WWOX: variants seen among roughly 807,000 people sequenced by gnomAD.
The protein encoded by WWOX is WW domain containing oxidoreductase.
In WWOX, 69 loss-of-function variants were observed where a neutral mutation model predicts 46.2. The ratio of observed to expected loss-of-function variants is 1.49; its 90% confidence interval spans 1.23 to 1.82. WWOX has a LOEUF of 1.82. WWOX is among the 40% of genes most tolerant of loss of function. The pLI is 0.00. For synonymous variants in WWOX, 359 were observed against 202.6 expected (o/e 1.77, Z -6.56); for missense variants, 919 against 542.6 (o/e 1.69, Z -6.89).
intron 8 of WWOX, among the ~76,000 whole-genome samples, chr16:79,031,991 T>C (rs767823771): frequency 5.1e-4 from 73 of 144,376 alleles, no homozygotes; most frequent in Non-Finnish European, 9.4e-4. Flanking sequence ...GGATGCTTTT[T>C]ATTTTGGGCT....
At chr16:79,104,268 A>T (rs2049263714) in intron 8 of WWOX, among the ~76,000 whole-genome samples, 1 of 152,188 alleles carries the variant, frequency 6.6e-6, no homozygotes, top group Non-Finnish European at 1.5e-5. Flanking sequence ...GTCTGTAAGG[A>T]CATTAATAAT....
intron 5 of WWOX, among the ~76,000 whole-genome samples, chr16:78,333,951 C>T (rs577121372): frequency 2.8e-4 from 43 of 151,590 alleles, no homozygotes; most frequent in African/African-American, 1.0e-3. Flanking sequence ...CTTGCGTGAT[C>T]CACTGATGGT....
chr16:78,430,597 C>G (rs929405958), intron 7 of WWOX, among the ~76,000 whole-genome samples: 2 of 152,090 alleles, frequency 1.3e-5, no homozygotes, highest in African/African-American at 4.8e-5. Flanking sequence ...AGAAGGCCGT[C>G]ATATATTTTC....
chr16:78,987,995 A>G (rs926600971), intron 8 of WWOX, among the ~76,000 whole-genome samples: 1 of 152,000 alleles, frequency 6.6e-6, no homozygotes, highest in East Asian at 1.9e-4. Context: ...TTTTAATAAC[A>G]AAGGGGCTAT....
chr16:78,928,464 A>C (rs2045551016), intron 8 of WWOX, among the ~76,000 whole-genome samples: 1 of 151,934 alleles, frequency 6.6e-6, no homozygotes. Context: ...GGCCTCCCAA[A>C]GTGCTGGGAT....
intron 8 of WWOX, among the ~76,000 whole-genome samples, chr16:78,834,441 G>C (rs1334248153): frequency 1.3e-5 from 2 of 152,110 alleles, no homozygotes; most frequent in Admixed American, 6.5e-5. Context: ...CAGCTCCTAA[G>C]TAAACCAAAA....
intron 8 of WWOX, among the ~76,000 whole-genome samples, chr16:79,015,480 T>TG (rs1597279906): frequency 6.6e-6 from 1 of 152,198 alleles, no homozygotes; most frequent in Non-Finnish European, 1.5e-5. Context: ...TAGTAGGTGC[T>TG]CAATAAACTA....
intron 8 of WWOX, among the ~76,000 whole-genome samples, chr16:79,195,958 A>G (rs1458080584): frequency 2.0e-5 from 3 of 152,212 alleles, no homozygotes; most frequent in Non-Finnish European, 2.9e-5. Flanking sequence ...CAGGTGGTAA[A>G]GATGCCTTTG....
chr16:78,924,109 G>C (rs1233893046), intron 8 of WWOX, among the ~76,000 whole-genome samples: 1 of 152,098 alleles, frequency 6.6e-6, no homozygotes, highest in Non-Finnish European at 1.5e-5. Context: ...GAGCCGCTGT[G>C]CCCGGCTGCT....
In WWOX at chr16:79,201,890, C is replaced by G. The variant is rs184362528; in HGVS notation, c.1057-9718C>G. Among the ~76,000 whole-genome samples the G allele has an allele frequency of 1.8e-4, 27 of 152,154 alleles. 1 individual carries two copies. The highest frequency in any genetic ancestry group is 3.4e-4 in the Non-Finnish European group (23 of 68,034). On this transcript the variant is annotated intron_variant, in intron 8 of 8. Coordinates refer to ENST00000566780, the MANE Select transcript of WWOX (RefSeq NM_016373.4). ...TTTTGTTCACCTGTTTATTTCATGACACTTGCAGGAAAAAGAAGAATTTTC... is the reference window on the plus strand; with the variant it reads ...TTTTGTTCACCTGTTTATTTCATGAGACTTGCAGGAAAAAGAAGAATTTTC...
chr16:79,069,726 C>T (rs1390636798), intron 8 of WWOX, among the ~76,000 whole-genome samples: 1 of 152,028 alleles, frequency 6.6e-6, no homozygotes, highest in Non-Finnish European at 1.5e-5. Flanking sequence ...TGTGTGGTCA[C>T]CATAGATGGC....
chr16:78,429,891 C>T (rs796732148), intron 7 of WWOX, among the ~76,000 whole-genome samples: 16 of 152,170 alleles, frequency 1.1e-4, no homozygotes, highest in African/African-American at 1.9e-4. Flanking sequence ...TGTATGTATC[C>T]GTGGATGAAT....
intron 8 of WWOX, among the ~76,000 whole-genome samples, chr16:78,590,095 C>T (rs570531855): frequency 1.3e-5 from 2 of 151,824 alleles, no homozygotes; most frequent in East Asian, 1.9e-4. Flanking sequence ...GAGAGAAACA[C>T]ATATAGGATA....
intron 8 of WWOX, among the ~76,000 whole-genome samples, chr16:78,446,808 G>C (rs576191265): frequency 1.3e-5 from 2 of 151,676 alleles, no homozygotes; most frequent in South Asian, 2.1e-4. Flanking sequence ...TTACAGGCAT[G>C]TGCTACTACC....
intron 8 of WWOX, among the ~76,000 whole-genome samples, chr16:79,109,051 T>G (rs1010933058): frequency 5.9e-5 from 9 of 152,218 alleles, no homozygotes; most frequent in African/African-American, 2.2e-4. Flanking sequence ...TGTGAGTGTG[T>G]TGTCTTTGTG....
intron 5 of WWOX, among the ~76,000 whole-genome samples, chr16:78,355,312 C>T (rs71386272): frequency 0.033 from 4,943 of 151,868 alleles, 117 homozygotes; most frequent in African/African-American, 0.059. Flanking sequence ...GATAAAAATG[C>T]GTGTATGGTG....
intron 4 of WWOX, among the ~76,000 whole-genome samples, chr16:78,154,095 C>G (rs1465479543): frequency 6.6e-6 from 1 of 152,206 alleles, no homozygotes; most frequent in African/African-American, 2.4e-5. Context: ...TGTTCCCTGT[C>G]TGGGTAAACA....
At chr16:78,147,528 T>G (rs2034239870) in intron 4 of WWOX, among the ~76,000 whole-genome samples, 1 of 152,176 alleles carries the variant, frequency 6.6e-6, no homozygotes, top group African/African-American at 2.4e-5. Flanking sequence ...AACTGCTGAA[T>G]TTTCCCAACA....
chr16:78,180,774 G>A (rs998288160), intron 5 of WWOX, among the ~76,000 whole-genome samples: 1 of 152,110 alleles, frequency 6.6e-6, no homozygotes, highest in Non-Finnish European at 1.5e-5. Flanking sequence ...AGAGTAGGGG[G>A]CATATGTTAG....
Sources: allele counts gnomAD v4.1 joint callset (sites outside exome capture counted in the v4.1 genomes callset), GRCh38; gene constraint gnomAD v4.1.1; transcripts MANE v1.5; gene names NCBI Gene and HGNC (gene_info 2026-07-23, HGNC 2026-07-21).